The following SLC1A2 variants were observed in gnomAD, a reference collection of about 807,000 sequenced individuals.
The protein encoded by SLC1A2 is excitatory amino acid transporter 2.
SLC1A2 carries 15 observed loss-of-function variants against 48.8 expected under a neutral mutation model. The ratio of observed to expected loss-of-function variants is 0.31; its 90% CI spans 0.21 to 0.47. The LOEUF (loss-of-function observed/expected upper bound fraction) is 0.47, where lower values mean the gene tolerates loss of function less well. Among genes scored for constraint, SLC1A2 ranks in the 20% least tolerant of loss-of-function variants. The probability of loss-of-function intolerance (pLI) is 0.99; values close to 1 mark genes in which losing one functional copy is unlikely to be tolerated. For missense variants in SLC1A2, 502 were observed against 730.5 expected, an observed-to-expected ratio of 0.69 and a Z score of 3.61; for synonymous variants, 279 against 272.6, an observed-to-expected ratio of 1.02 and a Z score of -0.23.
At chr11:35,329,268 G>T (rs979580832) in intron 1 of SLC1A2, among the ~76,000 whole-genome samples, 4 of 152,192 alleles carry the variant, frequency 2.6e-5, no homozygotes, top group Non-Finnish European at 5.9e-5. Flanking sequence ...AAAATACTTT[G>T]TATGTTACTA....
At chr11:35,363,657 C>T (rs776486235) in intron 1 of SLC1A2, among the ~76,000 whole-genome samples, 7 of 152,028 alleles carry the variant, frequency 4.6e-5, no homozygotes, top group South Asian at 2.1e-4. Context: ...ACTCTCTGCA[C>T]GGAATTATTA....
chr11:35,367,023 C>T (rs960620112), intron 1 of SLC1A2, among the ~76,000 whole-genome samples: 1 of 152,202 alleles, frequency 6.6e-6, no homozygotes, highest in Admixed American at 6.5e-5. Flanking sequence ...GAGGACCTTC[C>T]TAACTGACTC....
At position 35,306,220 on chromosome 11, in the gene SLC1A2, A is replaced by T. The variant is rs180817412; in HGVS notation, c.584T>A (p.Val195Asp). 7.1e-4 allele frequency: 1,140 copies of T among 1,613,834 alleles called. 11 individuals carry two copies. The highest frequency in any genetic ancestry group is 4.6e-5 in the Non-Finnish European group (54 of 1,179,846). ...FQQIQTVTKKVLVAPPPDEEA... is the reference protein window; with the variant it reads ...FQQIQTVTKKDLVAPPPDEEA... ...CTCGTCCGGCGGTGGTGCAACCAGG[A>T]CTTTCTTCGTCACTGTTTGAATCTA... Residue 195 changes from valine (V) to aspartate (D), a missense_variant, in exon 5 of 11, where the codon GTC becomes GAC. By Grantham distance (152) the Val-to-Asp change is radical (BLOSUM62 -3). Transcript: ENST00000278379.
At chr11:35,310,258 G>T (rs534954056) in intron 4 of SLC1A2, among the ~76,000 whole-genome samples, 2 of 152,244 alleles carry the variant, frequency 1.3e-5, no homozygotes, top group Non-Finnish European at 2.9e-5. Flanking sequence ...TACCAGCTCA[G>T]CCTCCTGCAG....
chr11:35,405,173 C>T (rs1045587231), intron 1 of SLC1A2, among the ~76,000 whole-genome samples: 4 of 152,194 alleles, frequency 2.6e-5, no homozygotes, highest in African/African-American at 9.6e-5. Flanking sequence ...CACCAGAAAA[C>T]TCCAGAAAAG....
chr11:35,349,216 C>T (rs765341954), intron 1 of SLC1A2, among the ~76,000 whole-genome samples: 27 of 151,842 alleles, frequency 1.8e-4, no homozygotes, highest in African/African-American at 2.7e-4. Flanking sequence ...GAGGTGTGGA[C>T]GATACAGATG....
chr11:35,399,527 G>T, intron 1 of SLC1A2: 2 of 690,130 alleles, frequency 2.9e-6, no homozygotes, highest in Non-Finnish European at 3.6e-6. Context: ...GAAGGAGGAG[G>T]CAATGGTGGG....
intron 1 of SLC1A2, among the ~76,000 whole-genome samples, chr11:35,381,744 A>C (rs1478206938): frequency 1.3e-5 from 2 of 152,188 alleles, no homozygotes; most frequent in Admixed American, 1.3e-4. Flanking sequence ...GGGAAATTCC[A>C]ACCTGATCCT....
In SLC1A2 at chr11:35,311,899, A is replaced by G. The variant is rs1230669295; in HGVS notation, c.561+299T>C. Among the ~76,000 whole-genome samples, 5 of 12,578 alleles carry G rather than the reference A, an allele frequency of 4.0e-4. 1 individual carries two copies. The highest frequency in any genetic ancestry group is 8.2e-4 in the Non-Finnish European group (4 of 4,906). The allele number at this position is 12,578 out of a possible 152,430, so 8.3% of individuals were successfully genotyped here. On this transcript the variant is annotated intron_variant, in intron 4 of 10. Coordinates refer to ENST00000278379, the MANE Select transcript of SLC1A2 (RefSeq NM_004171.4). ...GAGAGAGAGAGAGAGAGAGGGAGGG[A>G]GAGAGAGAGAGAGAGAGAGAGAGGC...
intron 1 of SLC1A2, among the ~76,000 whole-genome samples, chr11:35,368,551 C>T (rs1175141630): frequency 6.6e-6 from 1 of 152,176 alleles, no homozygotes; most frequent in African/African-American, 2.4e-5. Context: ...AAGTAAGGTC[C>T]AGTTGAGTAA....
chr11:35,329,723 A>T (rs1283358448), intron 1 of SLC1A2, among the ~76,000 whole-genome samples: 1 of 152,172 alleles, frequency 6.6e-6, no homozygotes, highest in Non-Finnish European at 1.5e-5. Context: ...GTTGCAGTGC[A>T]GGGCAGCTTA....
intron 1 of SLC1A2, among the ~76,000 whole-genome samples, chr11:35,341,554 A>G (rs142415220): frequency 1.2e-4 from 18 of 152,342 alleles, no homozygotes; most frequent in African/African-American, 4.3e-4. Context: ...ACTCTCAACT[A>G]CCTTAGCAAT....
chr11:35,398,058 A>G (rs896604065), intron 1 of SLC1A2, among the ~76,000 whole-genome samples: 14 of 152,186 alleles, frequency 9.2e-5, no homozygotes, highest in Non-Finnish European at 2.1e-4. Context: ...GGGTTTCTCA[A>G]CATGCTTTGA....
At chr11:35,269,207 A>T (rs1250079055) in intron 9 of SLC1A2, among the ~76,000 whole-genome samples, 2 of 152,202 alleles carry the variant, frequency 1.3e-5, no homozygotes, top group Non-Finnish European at 2.9e-5. Flanking sequence ...GGCCCTCACC[A>T]GACACAGAAT....
At chr11:35,295,134 ACCT>A (rs1213476422) in intron 6 of SLC1A2, among the ~76,000 whole-genome samples, 1 of 151,766 alleles carries the variant, frequency 6.6e-6, no homozygotes, top group Non-Finnish European at 1.5e-5. Context: ...TGTAACCTTG[ACCT>A]CCTGGGCTCA....
intron 4 of SLC1A2, among the ~76,000 whole-genome samples, chr11:35,311,889 A>AGAGG (rs67631431): frequency 8.3e-5 from 6 of 72,592 alleles, no homozygotes; most frequent in African/African-American, 3.5e-4. Context: ...AGAGAGAGAG[A>AGAGG]GAGGGAGGGA....
intron 1 of SLC1A2, chr11:35,399,620 T>C (rs1855078820): frequency 1.0e-6 from 1 of 983,390 alleles, no homozygotes; most frequent in South Asian, 4.7e-5. Flanking sequence ...TTTCCATTTG[T>C]ATGCGGAGTA....
intron 1 of SLC1A2, chr11:35,322,594 C>T: frequency 6.5e-7 from 1 of 1,534,874 alleles, no homozygotes. Context: ...AACCTCTCCT[C>T]CCTGGCCCCA....
At chr11:35,261,060 C>T in intron 10 of SLC1A2, 95 bp from the exon 11 acceptor site, 1 of 843,700 alleles carries the variant, frequency 1.2e-6, no homozygotes, top group Non-Finnish European at 2.1e-6. Context: ...CAAGATTATA[C>T]TACATGACTG....
Sources: gnomAD v4.1 joint callset for allele counts (sites outside exome capture counted in the v4.1 genomes callset) on GRCh38, gnomAD v4.1.1 for gene constraint, MANE v1.5 for transcripts, NCBI Gene and HGNC (gene_info 2026-07-23, HGNC 2026-07-21) for gene names.